Variants in DPP10 observed in about 807,000 individuals in gnomAD.
DPP10 encodes the protein dipeptidyl peptidase like 10.
Under a neutral mutation model 120.9 loss-of-function variants are expected in DPP10, and 33 were observed. That is an observed-to-expected ratio of 0.27 (90% CI 0.21 to 0.37). DPP10 has a LOEUF of 0.37. Ranked by LOEUF, DPP10 falls within the 10% of genes least tolerant of loss-of-function variation. DPP10 has a pLI of 1.00. For synonymous variants in DPP10, 337 were observed against 326.1 expected (o/e 1.03, Z -0.36); for missense variants, 816 against 942.8 (o/e 0.87, Z 1.76).
chr2:114,460,386 A>G (rs145567312), intron 1 of DPP10, among the ~76,000 whole-genome samples: 79 of 152,300 alleles, frequency 5.2e-4, no homozygotes, highest in African/African-American at 1.8e-3. Flanking sequence ...ATAATTTCAG[A>G]TTAGCTGATA....
chr2:114,799,275 C>A (rs1025300870), intron 1 of DPP10, among the ~76,000 whole-genome samples: 1 of 152,076 alleles, frequency 6.6e-6, no homozygotes, highest in Non-Finnish European at 1.5e-5. Context: ...CAAAACTAAC[C>A]CCAACGTCTT....
intron 1 of DPP10, among the ~76,000 whole-genome samples, chr2:114,802,605 G>T (rs1203946158): frequency 6.6e-6 from 1 of 152,032 alleles, no homozygotes; most frequent in Non-Finnish European, 1.5e-5. Flanking sequence ...TAATGAAAAC[G>T]GACTGCTCCT....
intron 1 of DPP10, among the ~76,000 whole-genome samples, chr2:115,189,202 C>G (rs1282808269): frequency 6.6e-6 from 1 of 152,226 alleles, no homozygotes; most frequent in Non-Finnish European, 1.5e-5. Flanking sequence ...TCTTATTCTA[C>G]TGCTGTGTCA....
chr2:115,685,485 G>A (rs186739456), intron 5 of DPP10, among the ~76,000 whole-genome samples: 209 of 152,038 alleles, frequency 1.4e-3, no homozygotes, highest in Middle Eastern at 0.014. Flanking sequence ...CATAAGCTCC[G>A]TGGGGACAGA....
At chr2:114,953,967 T>C (rs1697995804) in intron 1 of DPP10, among the ~76,000 whole-genome samples, 1 of 152,152 alleles carries the variant, frequency 6.6e-6, no homozygotes, top group Non-Finnish European at 1.5e-5. Flanking sequence ...TATTCACAGT[T>C]ACTTATTTGC....
chr2:115,120,592 C>A (rs1361171175), intron 1 of DPP10, among the ~76,000 whole-genome samples: 1 of 152,206 alleles, frequency 6.6e-6, no homozygotes. Flanking sequence ...GGATTTAAAG[C>A]AGGCAAGCAG....
intron 1 of DPP10, among the ~76,000 whole-genome samples, chr2:114,833,159 G>A (rs904120796): frequency 1.1e-4 from 17 of 151,708 alleles, no homozygotes; most frequent in African/African-American, 3.9e-4. Flanking sequence ...CATATATTTT[G>A]TAATAATATC....
chr2:114,860,280 G>A (rs1040455923), intron 1 of DPP10, among the ~76,000 whole-genome samples: 6 of 152,152 alleles, frequency 3.9e-5, no homozygotes, highest in Non-Finnish European at 8.8e-5. Context: ...GTTACACTAA[G>A]TTACTGAGTA....
chr2:115,552,296 A>G (rs1252700325), intron 5 of DPP10, among the ~76,000 whole-genome samples: 1 of 152,132 alleles, frequency 6.6e-6, no homozygotes, highest in East Asian at 1.9e-4. Flanking sequence ...TTCTTAGCAT[A>G]GAATCTGGGA....
chr2:114,467,810 G>A (rs1679538230), intron 1 of DPP10, among the ~76,000 whole-genome samples: 1 of 151,810 alleles, frequency 6.6e-6, no homozygotes, highest in African/African-American at 2.4e-5. Flanking sequence ...ACCAGCCTTG[G>A]CAACACAGAG....
At chr2:115,244,216 G>GTATATATATATA (rs377701662) in intron 1 of DPP10, among the ~76,000 whole-genome samples, 8 of 119,834 alleles carry the variant, frequency 6.7e-5, no homozygotes, top group African/African-American at 2.3e-4. Context: ...ATATGTGTGT[G>GTATATATATATA]TATATATATA....
chr2:115,503,082 C>G (rs371117089), intron 4 of DPP10, among the ~76,000 whole-genome samples: 1 of 152,064 alleles, frequency 6.6e-6, no homozygotes, highest in African/African-American at 2.4e-5. Context: ...CTCTGAAACT[C>G]TGTAAGCCTA....
intron 19 of DPP10, among the ~76,000 whole-genome samples, chr2:115,799,662 C>A (rs1346513746): frequency 6.8e-6 from 1 of 146,068 alleles, no homozygotes; most frequent in Admixed American, 7.0e-5. Flanking sequence ...TCAATTCCCA[C>A]CTATGAGTGA....
At chr2:114,445,883 G>A (rs919970346) in intron 1 of DPP10, among the ~76,000 whole-genome samples, 5 of 152,114 alleles carry the variant, frequency 3.3e-5, no homozygotes, top group African/African-American at 9.7e-5. Context: ...GGGGTGCCAA[G>A]TGTGTTCTCA....
At chr2:114,887,307 T>A (rs569741993) in intron 1 of DPP10, among the ~76,000 whole-genome samples, 1 of 152,214 alleles carries the variant, frequency 6.6e-6, no homozygotes, top group Non-Finnish European at 1.5e-5. Context: ...AAATTTAAGA[T>A]TACTTAAGGT....
At chr2:114,512,323 A>G (rs1043638952) in intron 1 of DPP10, among the ~76,000 whole-genome samples, 4 of 152,170 alleles carry the variant, frequency 2.6e-5, no homozygotes, top group African/African-American at 9.7e-5. Flanking sequence ...TGGACTTCTC[A>G]TTGTTACTAA....
chr2:115,548,533 G>A (rs1316844890), intron 5 of DPP10, among the ~76,000 whole-genome samples: 2 of 152,088 alleles, frequency 1.3e-5, no homozygotes, highest in African/African-American at 4.8e-5. Flanking sequence ...GTGATGCAAT[G>A]AGGAGCTTGT....
chr2:114,478,464 A>T (rs141444123), intron 1 of DPP10, among the ~76,000 whole-genome samples: 32 of 152,246 alleles, frequency 2.1e-4, no homozygotes, highest in African/African-American at 7.2e-4. Context: ...AACATCTTAG[A>T]TGATGAAAGA....
At chr2:115,175,778 A>G (rs2053645771) in intron 1 of DPP10, among the ~76,000 whole-genome samples, 1 of 152,266 alleles carries the variant, frequency 6.6e-6, no homozygotes, top group Non-Finnish European at 1.5e-5. Context: ...TGTGACAGTG[A>G]CACTGAAGAA....
Sources: gnomAD v4.1 joint callset for allele counts (sites outside exome capture counted in the v4.1 genomes callset) on GRCh38, gnomAD v4.1.1 for gene constraint, MANE v1.5 for transcripts, NCBI Gene and HGNC (gene_info 2026-07-23, HGNC 2026-07-21) for gene names.